The following LRMDA variants were observed in gnomAD, a reference collection of about 807,000 sequenced individuals.
LRMDA encodes the protein leucine rich melanocyte differentiation associated.
In LRMDA, 18 loss-of-function variants were observed where a neutral mutation model predicts 29.8. The ratio of observed to expected loss-of-function variants is 0.60; its 90% CI spans 0.42 to 0.90. The LOEUF (loss-of-function observed/expected upper bound fraction) is 0.90, where lower values mean the gene tolerates loss of function less well. Ranked by LOEUF, LRMDA falls within the 40% of genes least tolerant of loss-of-function variation. LRMDA has a pLI of 0.00. For synonymous variants in LRMDA, 125 were observed against 109.4 expected, an observed-to-expected ratio of 1.14 and a Z score of -0.89; for missense variants, 273 against 273.9, an observed-to-expected ratio of 1.00 and a Z score of 0.02.
chr10:76,523,104 T>C (rs1843138034), intron 6 of LRMDA, among the ~76,000 whole-genome samples: 1 of 127,166 alleles, frequency 7.9e-6, no homozygotes, highest in Admixed American at 8.3e-5. Flanking sequence ...ATACTGACCA[T>C]TGATTTTTTT....
At chr10:75,545,672 A>G (rs891007452) in intron 2 of LRMDA, among the ~76,000 whole-genome samples, 15 of 152,112 alleles carry the variant, frequency 9.9e-5, no homozygotes, top group African/African-American at 3.6e-4. Flanking sequence ...GAGAGGGGAG[A>G]TTACCCAAAA....
At chr10:76,185,672 G>A (rs1233388534) in intron 5 of LRMDA, among the ~76,000 whole-genome samples, 1 of 152,160 alleles carries the variant, frequency 6.6e-6, no homozygotes, top group Non-Finnish European at 1.5e-5. Context: ...CTCTGTTAAG[G>A]ACTCAGACAG....
At chr10:76,130,723 G>T (rs548996238) in intron 5 of LRMDA, among the ~76,000 whole-genome samples, 1 of 152,040 alleles carries the variant, frequency 6.6e-6, no homozygotes, top group African/African-American at 2.4e-5. Context: ...GCAAAGGTGC[G>T]ATCTCAGCTC....
chr10:75,462,008 A>G (rs1412182777), intron 2 of LRMDA, among the ~76,000 whole-genome samples: 1 of 152,252 alleles, frequency 6.6e-6, no homozygotes, highest in African/African-American at 2.4e-5. Flanking sequence ...TTTGCATTTT[A>G]ATGACAAATC....
At chr10:76,193,578 A>C (rs943990683) in intron 5 of LRMDA, among the ~76,000 whole-genome samples, 1 of 152,132 alleles carries the variant, frequency 6.6e-6, no homozygotes. Context: ...TTATTATCGC[A>C]TATCTCTGGG....
intron 5 of LRMDA, among the ~76,000 whole-genome samples, chr10:76,272,883 C>G (rs987377421): frequency 1.3e-5 from 2 of 152,096 alleles, no homozygotes; most frequent in African/African-American, 4.8e-5. Flanking sequence ...TCAACTCTTA[C>G]GAGAACTCAC....
At chr10:76,328,474 G>A (rs918650805) in intron 6 of LRMDA, among the ~76,000 whole-genome samples, 1 of 152,206 alleles carries the variant, frequency 6.6e-6, no homozygotes, top group African/African-American at 2.4e-5. Context: ...TGGGGATGAT[G>A]GAGCAACTCA....
At chr10:75,890,042 C>T (rs1845458087) in intron 2 of LRMDA, among the ~76,000 whole-genome samples, 2 of 152,128 alleles carry the variant, frequency 1.3e-5, no homozygotes, top group Non-Finnish European at 2.9e-5. Flanking sequence ...ACATGGCCCC[C>T]TTATCCTCTG....
At chr10:75,967,583 A>G (rs1441598999) in intron 2 of LRMDA, among the ~76,000 whole-genome samples, 1 of 152,252 alleles carries the variant, frequency 6.6e-6, no homozygotes, top group Non-Finnish European at 1.5e-5. Context: ...TTGATAAATC[A>G]TCAGCAGAAA....
At chr10:75,605,753 G>A (rs1275003048) in intron 2 of LRMDA, among the ~76,000 whole-genome samples, 2 of 152,212 alleles carry the variant, frequency 1.3e-5, no homozygotes, top group Non-Finnish European at 2.9e-5. Context: ...CATTTCTTTG[G>A]CTTGAATGGC....
chr10:76,130,287 C>T (rs938956065), intron 5 of LRMDA, among the ~76,000 whole-genome samples: 55 of 152,208 alleles, frequency 3.6e-4, no homozygotes, highest in African/African-American at 1.3e-3. Context: ...TGTTGCTAGC[C>T]CATCAAGTTA....
intron 6 of LRMDA, among the ~76,000 whole-genome samples, chr10:76,387,037 C>G (rs1039205479): frequency 3.9e-5 from 6 of 152,116 alleles, no homozygotes; most frequent in East Asian, 3.8e-4. Flanking sequence ...AATGGTAATA[C>G]TTAATAAATG....
At chr10:75,470,683 C>A (rs577166701) in intron 2 of LRMDA, among the ~76,000 whole-genome samples, 2 of 152,284 alleles carry the variant, frequency 1.3e-5, no homozygotes, top group East Asian at 3.9e-4. Context: ...GAGCTCACTT[C>A]TCTGCAGGGC....
chr10:75,763,080 G>T (rs905058897), intron 2 of LRMDA, among the ~76,000 whole-genome samples: 1 of 152,136 alleles, frequency 6.6e-6, no homozygotes, highest in African/African-American at 2.4e-5. Context: ...TAGCCAGAAT[G>T]CTCAGAGAAC....
intron 2 of LRMDA, among the ~76,000 whole-genome samples, chr10:75,697,431 C>A (rs1264781172): frequency 6.6e-6 from 1 of 150,978 alleles, no homozygotes; most frequent in African/African-American, 2.4e-5. Context: ...TTGTTGTTAG[C>A]AGCTAAGGGG....
chr10:75,876,418 A>G (rs976082881), intron 2 of LRMDA, among the ~76,000 whole-genome samples: 8 of 152,160 alleles, frequency 5.3e-5, no homozygotes, highest in Non-Finnish European at 1.0e-4. Context: ...GAAGAGAGAG[A>G]CAGAAAGAGA....
At chr10:75,947,250 G>A (rs746540503) in intron 2 of LRMDA, among the ~76,000 whole-genome samples, 3 of 152,150 alleles carry the variant, frequency 2.0e-5, no homozygotes, top group East Asian at 3.9e-4. Context: ...AGTTTTGTGC[G>A]GTTCAACCTA....
intron 5 of LRMDA, among the ~76,000 whole-genome samples, chr10:76,139,999 C>A (rs527269342): frequency 6.6e-6 from 1 of 152,082 alleles, no homozygotes; most frequent in Admixed American, 6.6e-5. Flanking sequence ...AATTTTCTGA[C>A]CCTGTTTGTG....
At chr10:76,437,776 A>C (rs1468813794) in intron 6 of LRMDA, among the ~76,000 whole-genome samples, 1 of 152,186 alleles carries the variant, frequency 6.6e-6, no homozygotes, top group African/African-American at 2.4e-5. Context: ...AATTTGTAAC[A>C]AACAAGGCCT....
Sources: gnomAD v4.1 joint callset for allele counts (sites outside exome capture counted in the v4.1 genomes callset) on GRCh38, gnomAD v4.1.1 for gene constraint, MANE v1.5 for transcripts, NCBI Gene and HGNC (gene_info 2026-07-23, HGNC 2026-07-21) for gene names.